Variants in VPS13B observed in about 807,000 individuals in gnomAD.
VPS13B encodes intermembrane lipid transfer protein VPS13B.
In VPS13B, 285 loss-of-function variants were observed where a neutral mutation model predicts 426.4. The ratio of observed to expected loss-of-function variants is 0.67; its 90% CI spans 0.61 to 0.74. The LOEUF is 0.74. VPS13B is among the 30% of genes least tolerant of loss of function. VPS13B has a pLI of 0.00. For missense variants in VPS13B, 4,537 were observed against 4,782.6 expected (o/e 0.95, Z 1.51); for synonymous variants, 1,676 against 1,676.4 (o/e 1.00, Z 0.01).
At chr8:99,052,233 AG>A (rs1843594481) in intron 3 of VPS13B, among the ~76,000 whole-genome samples, 1 of 119,576 alleles carries the variant, frequency 8.4e-6, no homozygotes, top group Non-Finnish European at 1.7e-5. Context: ...GAGAGTTTTT[AG>A]CATGAAGCGT....
intron 19 of VPS13B, among the ~76,000 whole-genome samples, chr8:99,299,645 C>T (rs1437682948): frequency 6.6e-6 from 1 of 151,692 alleles, no homozygotes; most frequent in Non-Finnish European, 1.5e-5. Context: ...GGCACGGTGG[C>T]TCATGCCTGT....
chr8:99,379,111 G>A (rs1346718693), intron 19 of VPS13B, among the ~76,000 whole-genome samples: 1 of 152,130 alleles, frequency 6.6e-6, no homozygotes. Context: ...TGCATACAAG[G>A]GATCTAGATT....
chr8:99,338,342 A>C (rs1811046998), intron 19 of VPS13B, among the ~76,000 whole-genome samples: 3 of 151,998 alleles, frequency 2.0e-5, no homozygotes, highest in Admixed American at 2.0e-4. Flanking sequence ...AGTGTATCTC[A>C]TCATTTTTTT....
intron 58 of VPS13B, among the ~76,000 whole-genome samples, chr8:99,866,417 C>T (rs978966548): frequency 6.6e-6 from 1 of 152,158 alleles, no homozygotes; most frequent in Non-Finnish European, 1.5e-5. Flanking sequence ...TGTGACAGGC[C>T]AGCTTTCCCC....
chr8:99,059,882 G>A (rs750255088), intron 3 of VPS13B, among the ~76,000 whole-genome samples: 6 of 151,668 alleles, frequency 4.0e-5, no homozygotes, highest in Admixed American at 6.6e-5. Flanking sequence ...ACAGGTGTGC[G>A]CCATTATGCC....
At chr8:99,075,793 A>G (rs1262327674) in intron 3 of VPS13B, among the ~76,000 whole-genome samples, 2 of 152,152 alleles carry the variant, frequency 1.3e-5, no homozygotes, top group African/African-American at 4.8e-5. Flanking sequence ...TAGTCTAGCT[A>G]AAAGTTTGTT....
intron 35 of VPS13B, among the ~76,000 whole-genome samples, chr8:99,692,224 A>G (rs1330640974): frequency 6.9e-4 from 103 of 148,364 alleles, no homozygotes; most frequent in African/African-American, 2.5e-3. Context: ...CTCCACCCCA[A>G]ATCAACAGAA....
intron 16 of VPS13B, among the ~76,000 whole-genome samples, chr8:99,173,669 T>G (rs888105663): frequency 1.3e-5 from 2 of 152,206 alleles, no homozygotes; most frequent in African/African-American, 4.8e-5. Context: ...CTCCACCTGA[T>G]AGGTGTTAGA....
At chr8:99,053,296 G>A (rs768517994) in intron 3 of VPS13B, among the ~76,000 whole-genome samples, 49 of 151,692 alleles carry the variant, frequency 3.2e-4, no homozygotes, top group Non-Finnish European at 3.7e-4. Flanking sequence ...CCCGCTCCCC[G>A]CACCCCACAA....
intron 39 of VPS13B, among the ~76,000 whole-genome samples, chr8:99,750,791 T>C (rs1256816806): frequency 6.6e-6 from 1 of 152,172 alleles, no homozygotes; most frequent in African/African-American, 2.4e-5. Flanking sequence ...TGGGGTGTTT[T>C]GGGAATTCAG....
At chr8:99,103,330 T>TTTTG (rs1264847988) in intron 5 of VPS13B, among the ~76,000 whole-genome samples, 1 of 152,016 alleles carries the variant, frequency 6.6e-6, no homozygotes, top group Non-Finnish European at 1.5e-5. Context: ...TACTTGTGGT[T>TTTTG]TTTGTTTGTT....
chr8:99,859,409 C>T lies in VPS13B; in HGVS notation c.10973C>T (p.Thr3658Ile). 6.2e-7 allele frequency: 1 copy of T among 1,614,168 alleles called. No homozygotes were observed. The highest frequency in any genetic ancestry group is 8.5e-7 in the Non-Finnish European group (1 of 1,180,040). The change falls in exon 57 of 62, where the codon ACC becomes ATC. Residue 3658 changes from threonine (T) to isoleucine (I), a missense_variant. Coordinates refer to ENST00000357162, the MANE Select transcript of VPS13B (RefSeq NM_152564.5). Reference sequence around the variant, plus strand: ...TTCAGGCTTCCGTATGAGGGGCTGACCCGGGGCCCTGGAGCCTTCGTGAGT... The same window carrying T: ...TTCAGGCTTCCGTATGAGGGGCTGATCCGGGGCCCTGGAGCCTTCGTGAGT... Reference protein sequence around the residue: ...DFFRLPYEGLTRGPGAFVSGV... With the variant: ...DFFRLPYEGLIRGPGAFVSGV...
At chr8:99,399,609 A>G (rs986526478) in intron 21 of VPS13B, among the ~76,000 whole-genome samples, 1 of 152,156 alleles carries the variant, frequency 6.6e-6, no homozygotes, top group African/African-American at 2.4e-5. Context: ...TCCTTCGGTC[A>G]TCTCATGACA....
intron 3 of VPS13B, among the ~76,000 whole-genome samples, chr8:99,064,266 T>A (rs1352225827): frequency 1.3e-5 from 2 of 152,208 alleles, no homozygotes; most frequent in Non-Finnish European, 2.9e-5. Context: ...TTTGAGGAGC[T>A]GACAGAATAA....
intron 30 of VPS13B, chr8:99,536,922 C>G (rs961588433): frequency 2.3e-6 from 1 of 442,932 alleles, no homozygotes; most frequent in Non-Finnish European, 4.6e-6. Flanking sequence ...TACAGAATTG[C>G]AGTGTTATTG....
At chr8:99,428,676 G>A (rs1188227123) in intron 21 of VPS13B, among the ~76,000 whole-genome samples, 4 of 152,144 alleles carry the variant, frequency 2.6e-5, no homozygotes, top group Non-Finnish European at 5.9e-5. Context: ...CTTTTACACT[G>A]TTGGTGGGAG....
intron 2 of VPS13B, among the ~76,000 whole-genome samples, chr8:99,033,234 CTTTA>C (rs1295058581): frequency 6.6e-6 from 1 of 152,086 alleles, no homozygotes; most frequent in African/African-American, 2.4e-5. Context: ...TTATCTTATT[CTTTA>C]TTTGAGTATA....
intron 22 of VPS13B, among the ~76,000 whole-genome samples, chr8:99,437,638 A>C (rs979386517): frequency 6.6e-6 from 1 of 152,094 alleles, no homozygotes; most frequent in Non-Finnish European, 1.5e-5. Context: ...GAATCGCTTG[A>C]ACCTGGGTGG....
At chr8:99,485,120 G>A (rs1216748536) in intron 25 of VPS13B, among the ~76,000 whole-genome samples, 1 of 152,176 alleles carries the variant, frequency 6.6e-6, no homozygotes, top group Non-Finnish European at 1.5e-5. Flanking sequence ...CATGTAACTT[G>A]TTAACAGATT....
Sources: allele counts gnomAD v4.1 joint callset (sites outside exome capture counted in the v4.1 genomes callset), GRCh38; gene constraint gnomAD v4.1.1; transcripts MANE v1.5; gene names NCBI Gene and HGNC (gene_info 2026-07-23, HGNC 2026-07-21).